The following SLC49A4 variants were observed in gnomAD, a reference collection of about 807,000 sequenced individuals.
SLC49A4 encodes disrupted in renal cancer protein 2.
A neutral mutation model predicts 50.6 loss-of-function variants in SLC49A4; 36 were observed. The observed-to-expected ratio is 0.71, with a 90% CI of 0.55 to 0.94. The LOEUF (loss-of-function observed/expected upper bound fraction) is 0.94. SLC49A4 is among the 40% of genes least tolerant of loss of function. SLC49A4 has a pLI of 0.00. For missense variants in SLC49A4, 503 were observed against 605.7 expected (o/e 0.83, Z 1.78); for synonymous variants, 248 against 241.2 (o/e 1.03, Z -0.26).
intron 8 of SLC49A4, among the ~76,000 whole-genome samples, chr3:122,877,552 T>A (rs1937281224): frequency 3.9e-5 from 6 of 152,254 alleles, no homozygotes. Context: ...ATTGTTGCTA[T>A]GTGTGTTGCT....
At chr3:122,813,240 CAAAAA>C (rs71621692) in intron 2 of SLC49A4, among the ~76,000 whole-genome samples, 1 of 85,276 alleles carries the variant, frequency 1.2e-5, no homozygotes, top group Non-Finnish European at 2.4e-5. Context: ...GACTCTGTCT[CAAAAA>C]AAAAAAAAAA....
In SLC49A4 at chr3:122,864,042, C is replaced by T. The variant is rs115222364; in HGVS notation, c.1138+3840C>T. On this transcript the variant is annotated intron_variant, in intron 7 of 8. Coordinates refer to ENST00000261038, the MANE Select transcript of SLC49A4 (RefSeq NM_032839.3). Reference sequence around the variant, plus strand: ...TAGCTGGGATTACAGGAGTGAGTCACCACGCCCAACCTCATTAAAACTAAA... The same window carrying T: ...TAGCTGGGATTACAGGAGTGAGTCATCACGCCCAACCTCATTAAAACTAAA... 7.1e-3 allele frequency among the ~76,000 whole-genome samples: 1,081 copies of T among 152,228 alleles called. 15 individuals are homozygous for T. The highest frequency in any genetic ancestry group is 0.024 in the African/African-American group (995 of 41,526).
At chr3:122,846,420 A>G (rs1458183039) in intron 5 of SLC49A4, among the ~76,000 whole-genome samples, 1 of 152,180 alleles carries the variant, frequency 6.6e-6, no homozygotes, top group Admixed American at 6.5e-5. Context: ...TAAAAAAAAA[A>G]AAATTTGTCT....
chr3:122,809,241 T>C (rs928104634), intron 2 of SLC49A4, among the ~76,000 whole-genome samples: 3 of 152,222 alleles, frequency 2.0e-5, no homozygotes, highest in African/African-American at 4.8e-5. Flanking sequence ...AAGACAATCA[T>C]CTAGGTTCCT....
At chr3:122,869,230 C>CA (rs397735318) in intron 7 of SLC49A4, among the ~76,000 whole-genome samples, 15 of 151,998 alleles carry the variant, frequency 9.9e-5, no homozygotes, top group Admixed American at 6.6e-4. Flanking sequence ...GTGACCCCCC[C>CA]CAGTTTTCCT....
intron 6 of SLC49A4, among the ~76,000 whole-genome samples, chr3:122,857,535 G>C (rs1326773093): frequency 6.6e-6 from 1 of 152,052 alleles, no homozygotes; most frequent in African/African-American, 2.4e-5. Flanking sequence ...AATTGATACA[G>C]GATAATGTTA....
At chr3:122,834,292 A>G (rs1936646345) in intron 4 of SLC49A4, among the ~76,000 whole-genome samples, 1 of 152,186 alleles carries the variant, frequency 6.6e-6, no homozygotes, top group Non-Finnish European at 1.5e-5. Context: ...ATAAAATGCA[A>G]GCCACATAAG....
chr3:122,836,358 G>C (rs1252380529), intron 4 of SLC49A4, among the ~76,000 whole-genome samples: 1 of 152,024 alleles, frequency 6.6e-6, no homozygotes, highest in Non-Finnish European at 1.5e-5. Context: ...CTTGATCATG[G>C]TGGATAAGCT....
chr3:122,869,506 T>C (rs901581947), intron 7 of SLC49A4, among the ~76,000 whole-genome samples: 1 of 152,242 alleles, frequency 6.6e-6, no homozygotes, highest in Admixed American at 6.5e-5. Flanking sequence ...TTGTTTTGAA[T>C]CTTTTCACAC....
chr3:122,847,414 C>T (rs1317150472), intron 5 of SLC49A4, among the ~76,000 whole-genome samples: 7 of 146,718 alleles, frequency 4.8e-5, no homozygotes, highest in Non-Finnish European at 1.0e-4. Flanking sequence ...GTGGCGCGAT[C>T]TCAGCTCACT....
rs1389909813 is a variant in SLC49A4 at position 122,880,955 on chromosome 3, A to C, written c.*1577A>C. The C allele has an allele frequency of 6.6e-6, 1 of 152,190 alleles. No individual in the cohort carries two copies. Among genetic ancestry groups the C allele is most frequent in the East Asian group, 1.9e-4 (1 of 5,202 alleles). The allele number at this position is 152,190 out of a possible 1,614,324, so 9.4% of individuals were successfully genotyped here. A position where few individuals can be genotyped will look rare whatever the true frequency, so the allele number is the denominator to read the frequency against. ...AACTTGTGAAACTAGGGAAGTAAGAAACCGTTCAAATTTAACATCTGTCTT... is the reference window on the plus strand; with the variant it reads ...AACTTGTGAAACTAGGGAAGTAAGACACCGTTCAAATTTAACATCTGTCTT... On this transcript the variant is annotated 3_prime_UTR_variant, in exon 9 of 9. Coordinates refer to ENST00000261038, the MANE Select transcript of SLC49A4 (RefSeq NM_032839.3).
At chr3:122,836,285 G>T (rs1386517997) in intron 4 of SLC49A4, among the ~76,000 whole-genome samples, 1 of 152,022 alleles carries the variant, frequency 6.6e-6, no homozygotes, top group East Asian at 1.9e-4. Flanking sequence ...CTGTTTATAT[G>T]CTGGATTACA....
intron 1 of SLC49A4, among the ~76,000 whole-genome samples, chr3:122,798,579 C>T (rs1450684938): frequency 1.3e-5 from 2 of 150,526 alleles, no homozygotes; most frequent in Non-Finnish European, 2.9e-5. Flanking sequence ...GTTCCATCTA[C>T]GCACGTAGAA....
chr3:122,833,425 G>A lies in SLC49A4; in HGVS notation c.812G>A (p.Arg271Lys). 6.2e-7 allele frequency: 1 copy of A among 1,613,492 alleles called. No homozygotes were observed. The highest frequency in any genetic ancestry group is 8.5e-7 in the Non-Finnish European group (1 of 1,179,652). Residue 271 changes from arginine (R) to lysine (K), a missense_variant, in exon 4 of 9, where the codon AGA becomes AAA. Transcript: ENST00000261038. ...GCTAGCCAGCGGCTGAGTTATCGGA[G>A]AAGCGTTTGTAGATTATTAAGGTAA... ...AAASQRLSYR[R>K]SVCRLLSNFR... is the part of the protein sequence containing the mutation.
At position 122,853,485 on chromosome 3, in the gene SLC49A4, A is replaced by G. The variant is rs557038425; in HGVS notation, c.943-2822A>G. Among the ~76,000 whole-genome samples, 57 of 152,312 alleles carry G rather than the reference A, an allele frequency of 3.7e-4. 1 individual carries two copies. The highest frequency in any genetic ancestry group is 3.3e-4 in the Admixed American group (5 of 15,298). On this transcript the variant is annotated intron_variant, in intron 5 of 8. Coordinates refer to ENST00000261038, the MANE Select transcript of SLC49A4 (RefSeq NM_032839.3). Reference sequence around the variant, plus strand: ...TAAATGATACTGATTTTGACTGGGTATGGTGGCTCACGCCTGTTATCCCAG... The same window carrying G: ...TAAATGATACTGATTTTGACTGGGTGTGGTGGCTCACGCCTGTTATCCCAG...
At chr3:122,813,885 A>G (rs894527037) in intron 2 of SLC49A4, among the ~76,000 whole-genome samples, 5 of 152,244 alleles carry the variant, frequency 3.3e-5, no homozygotes, top group African/African-American at 1.2e-4. Flanking sequence ...TGCACCATGC[A>G]TTAAAACATA....
chr3:122,850,106 T>G (rs1936906519), intron 5 of SLC49A4, among the ~76,000 whole-genome samples: 1 of 152,154 alleles, frequency 6.6e-6, no homozygotes, highest in Non-Finnish European at 1.5e-5. Flanking sequence ...GTTCTTGGAG[T>G]TATTTCTAAA....
chr3:122,863,487 A>G (rs1329963385), intron 7 of SLC49A4, among the ~76,000 whole-genome samples: 2 of 152,242 alleles, frequency 1.3e-5, no homozygotes, highest in African/African-American at 4.8e-5. Context: ...GTAGAAGGGC[A>G]TGTTTTAAAT....
chr3:122,860,510 TA>T (rs1937047858), intron 7 of SLC49A4, among the ~76,000 whole-genome samples: 1 of 152,244 alleles, frequency 6.6e-6, no homozygotes, highest in Non-Finnish European at 1.5e-5. Context: ...ATCTTGGTTA[TA>T]GTCATTATAT....
Sources: gnomAD v4.1 joint callset for allele counts (sites outside exome capture counted in the v4.1 genomes callset) on GRCh38, gnomAD v4.1.1 for gene constraint, MANE v1.5 for transcripts, NCBI Gene and HGNC (gene_info 2026-07-23, HGNC 2026-07-21) for gene names.